Variants in LRIG2 observed in about 807,000 individuals in gnomAD.
LRIG2 encodes leucine rich repeats and immunoglobulin like domains 2.
LRIG2 carries 93 observed loss-of-function variants against 107.8 expected under a neutral mutation model. That is an observed-to-expected ratio of 0.86 (90% CI 0.73 to 1.03). The LOEUF (loss-of-function observed/expected upper bound fraction) is 1.03. LRIG2 is among the 50% of genes least tolerant of loss of function. The pLI is 0.00. For synonymous variants in LRIG2, 471 were observed against 470.6 expected (o/e 1.00, Z -0.01); for missense variants, 1,226 against 1,296.0 (o/e 0.95, Z 0.83).
At chr1:113,094,531 G>A (rs753693297) in intron 5 of LRIG2, 49 bp downstream of exon 5, 2 of 1,571,224 alleles carry the variant, frequency 1.3e-6, no homozygotes, top group Non-Finnish European at 1.7e-6. Flanking sequence ...TTTCTTACAG[G>A]GTCTTTTTCT....
chr1:113,111,382 T>C (rs765432427), intron 13 of LRIG2, among the ~76,000 whole-genome samples: 4 of 152,202 alleles, frequency 2.6e-5, no homozygotes, highest in Non-Finnish European at 4.4e-5. Context: ...TTCCCATGGA[T>C]GAATTATAGT....
chr1:113,081,746 C>G (rs1226084425), intron 1 of LRIG2, among the ~76,000 whole-genome samples: 2 of 152,176 alleles, frequency 1.3e-5, no homozygotes, highest in African/African-American at 4.8e-5. Flanking sequence ...GTCTCAAACT[C>G]CTGACCTCAG....
chr1:113,109,604 T>C lies in LRIG2; in HGVS notation c.1478-638T>C, dbSNP rs1046930892. ...GTGATCTCGGCTCACTAGCCACCTC[T>C]ACCCCCCGGGTTCAAGTGATTCTCC... On this transcript the variant is annotated intron_variant, in intron 12 of 17. Coordinates refer to ENST00000361127, the MANE Select transcript of LRIG2 (RefSeq NM_014813.3). Among the ~76,000 whole-genome samples, 6 of 152,164 alleles carry C rather than the reference T, an allele frequency of 3.9e-5. No individual in the cohort carries two copies. The South Asian group carries it at 1.2e-3, about 32-fold the overall frequency.
chr1:113,127,571 T>C lies in LRIG2; in HGVS notation c.*3470T>C, dbSNP rs1412333048. 1.6e-4 allele frequency: 23 copies of C among 147,244 alleles called. No individual in the cohort carries two copies. In the Admixed American group the frequency reaches 1.6e-3, roughly 10 times the overall value. The allele number at this position is 147,244 out of a possible 1,614,324, so 9.1% of individuals were successfully genotyped here. A position where few individuals can be genotyped will look rare whatever the true frequency, so the allele number is the denominator to read the frequency against. ...TGTAAAGCCTTGTAGTGGTCCTTAT[T>C]TTTTTTTTTTTGAGACGGAGTCTCG... is the stretch of plus-strand genomic sequence containing the variant. On this transcript the variant is annotated 3_prime_UTR_variant, in exon 18 of 18. Coordinates refer to ENST00000361127, the MANE Select transcript of LRIG2 (RefSeq NM_014813.3).
intron 1 of LRIG2, among the ~76,000 whole-genome samples, chr1:113,083,345 C>CTTTTTT (rs10641659): frequency 9.2e-6 from 1 of 109,036 alleles, no homozygotes. Flanking sequence ...TGGCTGCTCA[C>CTTTTTT]TTTTTTTTTT....
At chr1:113,073,695 T>C in intron 1 of LRIG2, 50 bp downstream of exon 1, 1 of 1,533,394 alleles carries the variant, frequency 6.5e-7, no homozygotes, top group Non-Finnish European at 8.9e-7. Context: ...GAGCCTTCCC[T>C]CTACAGGGGG....
intron 1 of LRIG2, among the ~76,000 whole-genome samples, chr1:113,083,449 G>A (rs1280866915): frequency 6.7e-6 from 1 of 148,742 alleles, no homozygotes; most frequent in African/African-American, 2.5e-5. Flanking sequence ...GGGTTTAAGC[G>A]ATTCTCCTGC....
chr1:113,117,033 G>C (rs974969831), intron 16 of LRIG2, among the ~76,000 whole-genome samples: 1 of 152,174 alleles, frequency 6.6e-6, no homozygotes, highest in Non-Finnish European at 1.5e-5. Context: ...GCATATACTG[G>C]AGAACATCAG....
chr1:113,092,628 A>G (rs1171078915), intron 2 of LRIG2, among the ~76,000 whole-genome samples: 2 of 152,220 alleles, frequency 1.3e-5, no homozygotes, highest in African/African-American at 4.8e-5. Flanking sequence ...TTGAACTAAC[A>G]ATATTTAATG....
At chr1:113,083,485 A>G (rs2101021001) in intron 1 of LRIG2, among the ~76,000 whole-genome samples, 1 of 151,146 alleles carries the variant, frequency 6.6e-6, no homozygotes, top group South Asian at 2.1e-4. Flanking sequence ...AGCTGGGATT[A>G]CAGGCACGTG....
chr1:113,091,528 T>G, intron 2 of LRIG2, 145 bp downstream of exon 2: 1 of 576,936 alleles, frequency 1.7e-6, no homozygotes, highest in East Asian at 3.1e-5. Flanking sequence ...AAACCTAAAA[T>G]GTTTTCTTTG....
intron 16 of LRIG2, among the ~76,000 whole-genome samples, chr1:113,117,477 A>G (rs1208007585): frequency 6.6e-6 from 1 of 152,046 alleles, no homozygotes; most frequent in Non-Finnish European, 1.5e-5. Context: ...AAAATATAGT[A>G]GTTCTGACTC....
chr1:113,104,237 T>G (rs911805039), intron 11 of LRIG2, among the ~76,000 whole-genome samples: 1 of 152,182 alleles, frequency 6.6e-6, no homozygotes, highest in African/African-American at 2.4e-5. Flanking sequence ...TATGACTCCC[T>G]TCAAATTCTT....
chr1:113,089,595 A>G (rs1230366532), intron 1 of LRIG2, among the ~76,000 whole-genome samples: 2 of 151,280 alleles, frequency 1.3e-5, no homozygotes, highest in African/African-American at 2.4e-5. Flanking sequence ...GTCTGCCTTT[A>G]TAAATGCTGG....
chr1:113,121,414 C>T (rs1032967090), intron 17 of LRIG2, among the ~76,000 whole-genome samples: 2 of 152,112 alleles, frequency 1.3e-5, no homozygotes, highest in Non-Finnish European at 2.9e-5. Context: ...AGCTTTCATC[C>T]TTCTGTCAGC....
chr1:113,084,596 A>G (rs1398101370), intron 1 of LRIG2, among the ~76,000 whole-genome samples: 1 of 146,520 alleles, frequency 6.8e-6, no homozygotes, highest in Non-Finnish European at 1.5e-5. Context: ...ATGTTTCATT[A>G]TATTAAAAAT....
chr1:113,094,986 T>TA lies in LRIG2; in HGVS notation c.803+231_803+232insA, dbSNP rs1477517170. 3.1e-3 allele frequency among the ~76,000 whole-genome samples: 341 copies of TA among 109,670 alleles called. 1 individual carries two copies. Among genetic ancestry groups the TA allele is most frequent in the African/African-American group, 0.011 (318 of 29,444 alleles). The allele number at this position is 109,670 out of a possible 152,430, so 71.9% of individuals were successfully genotyped here. On this transcript the variant is annotated intron_variant, in intron 6 of 17. Coordinates refer to ENST00000361127, the MANE Select transcript of LRIG2 (RefSeq NM_014813.3). ...AAAAAGTTTATATATATATATATAT[T>TA]TTTTTTGAGATGGAGTCTCACTCTG...
In LRIG2 at chr1:113,130,133, A is replaced by ACTT. The variant is rs1655649275; in HGVS notation, c.*6033_*6035dup. ...ACTCCTGGGCTCAAGCAATCTCCCC[A>ACTT]CTTAGGCCTCCCAAAGTGCAGGGAT... On this transcript the variant is annotated 3_prime_UTR_variant, in exon 18 of 18. Transcript: ENST00000361127. The ACTT allele has an allele frequency of 6.6e-6, 1 of 152,086 alleles. No homozygotes were observed. The highest frequency in any genetic ancestry group is 2.4e-5 in the African/African-American group (1 of 41,406). 9.4% of individuals were successfully genotyped at this position (152,086 alleles called of 1,614,324 possible). A position where few individuals can be genotyped will look rare whatever the true frequency, so the allele number is the denominator to read the frequency against.
In LRIG2 at chr1:113,093,270, C is replaced by G. The variant is rs746821192; in HGVS notation, c.370C>G (p.Leu124Val). The G allele has an allele frequency of 6.3e-7, 1 of 1,588,474 alleles. No individual in the cohort carries two copies. Among genetic ancestry groups the G allele is most frequent in the Non-Finnish European group, 8.6e-7 (1 of 1,166,452 alleles). The change falls in exon 3 of 18, where the codon CTA becomes GTA. Residue 124 changes from leucine (L) to valine (V), a missense_variant. By Grantham distance (32) the Leu-to-Val change is conservative. Transcript: ENST00000361127. ...YFGEPTSNIT[L>V]LSLVHNIIPE... is the part of the protein sequence containing the mutation. The stretch of plus-strand genomic sequence containing the variant: ...TGGAGAACCTACATCTAATATTACT[C>G]TACTTTCATTGTAAGTTAGTAAGTT...
Sources: allele counts gnomAD v4.1 joint callset (sites outside exome capture counted in the v4.1 genomes callset), GRCh38; gene constraint gnomAD v4.1.1; transcripts MANE v1.5; gene names NCBI Gene and HGNC (gene_info 2026-07-23, HGNC 2026-07-21).